F9: variants seen among roughly 807,000 people sequenced by gnomAD.
F9 encodes coagulation factor IX, also known as Christmas factor.
Under a neutral mutation model 34.1 loss-of-function variants are expected in F9, and 2 were observed. The ratio of observed to expected loss-of-function variants is 0.06; its 90% CI spans 0.02 to 0.18. F9 has a LOEUF of 0.18. Ranked by LOEUF, F9 falls within the 10% of genes least tolerant of loss-of-function variation. The pLI is 1.00. For missense variants in F9, 216 were observed against 345.1 expected (o/e 0.63, Z 2.96); for synonymous variants, 137 against 118.8 (o/e 1.15, Z -1.00).
At chrX:139,550,798 T>C (rs917751527) in intron 5 of F9, among the ~76,000 whole-genome samples, 2 of 112,099 alleles carry the variant, frequency 1.8e-5, no homozygotes, top group Non-Finnish European at 3.8e-5. Context: ...CCAAATTTGA[T>C]TCTGGAACAC....
At chrX:139,551,363 T>A in intron 6 of F9, 99 bp downstream of exon 6, 1 of 761,370 alleles carries the variant, frequency 1.3e-6, no homozygotes, top group Non-Finnish European at 2.0e-6. Context: ...CCTATTGGGA[T>A]GTGAGAAGTA....
chrX:139,546,377 T>C (rs1927717849), intron 4 of F9, among the ~76,000 whole-genome samples: 2 of 112,008 alleles, frequency 1.8e-5, no homozygotes, highest in South Asian at 7.3e-4. Context: ...CTGTAATTTC[T>C]AAAGACTTCC....
At chrX:139,555,459 C>A (rs948931777) in intron 6 of F9, among the ~76,000 whole-genome samples, 2 of 113,144 alleles carry the variant, frequency 1.8e-5, no homozygotes, top group African/African-American at 6.4e-5. Flanking sequence ...TCCCAGGAGC[C>A]CCCTATGGTT....
chrX:139,545,385 G>A (rs1487097346), intron 4 of F9, among the ~76,000 whole-genome samples: 1 of 111,433 alleles, frequency 9.0e-6, no homozygotes, highest in Admixed American at 9.6e-5. Context: ...TCCTGTTATT[G>A]GTATTGCATA....
At chrX:139,559,222 A>AT (rs1928039528) in intron 6 of F9, among the ~76,000 whole-genome samples, 1 of 112,277 alleles carries the variant, frequency 8.9e-6, no homozygotes, top group African/African-American at 3.2e-5. Context: ...TTTTTTCTGT[A>AT]TTTTTACAAC....
chrX:139,548,397 G>A lies in F9; in HGVS notation c.426G>A (p.Glu142=), dbSNP rs2148361169. The change falls in exon 5 of 8, where the codon GAG becomes GAA. Residue 142 remains glutamate (E), a synonymous_variant. Transcript: ENST00000218099. ...GTAACATTAAGAATGGCAGATGCGA[G>A]CAGTTTTGTAAAAATAGTGCTGATA... ...VTCNIKNGRC[E]QFCKNSADNK... The A allele has an allele frequency of 8.3e-7, 1 of 1,210,560 alleles. No individual in the cohort carries two copies.
intron 6 of F9, among the ~76,000 whole-genome samples, chrX:139,557,356 A>G (rs1010152977): frequency 2.7e-5 from 3 of 112,125 alleles, no homozygotes; most frequent in Non-Finnish European, 5.6e-5. Flanking sequence ...CTTTAAATGC[A>G]AATATATTTT....
rs1569481576 is a variant in F9, at chrX:139,530,872, A to C, written c.88+20A>C. 1.8e-6 allele frequency: 2 copies of C among 1,116,269 alleles called. No homozygotes were observed. Among genetic ancestry groups the C allele is most frequent in the Non-Finnish European group, 2.5e-6 (2 of 808,440 alleles). The allele number at this position is 1,116,269 out of a possible 1,213,427, so 92.0% of individuals were successfully genotyped here. On this transcript the variant is annotated intron_variant, in intron 1 of 7. Coordinates refer to ENST00000218099, the MANE Select transcript of F9 (RefSeq NM_000133.4). The stretch of plus-strand genomic sequence containing the variant: ...GTACAGGTTTGTTTCCTTTTTTAAA[A>C]TACATTGAGTATGCTTGCCTTTTAG...
chrX:139,558,210 C>T (rs4149733), intron 6 of F9, among the ~76,000 whole-genome samples: 386 of 113,855 alleles, frequency 3.4e-3, no homozygotes, highest in African/African-American at 0.011. Context: ...ACCAAGAATG[C>T]GCCACAGCAC....
chrX:139,550,719 G>A (rs950704224), intron 5 of F9, among the ~76,000 whole-genome samples: 1 of 111,752 alleles, frequency 8.9e-6, no homozygotes, highest in Admixed American at 9.5e-5. Flanking sequence ...ATTCAGGGAT[G>A]GCAATTGGGA....
At chrX:139,539,435 A>C (rs1382432196) in intron 3 of F9, among the ~76,000 whole-genome samples, 2 of 112,435 alleles carry the variant, frequency 1.8e-5, no homozygotes, top group Non-Finnish European at 3.8e-5. Context: ...AGTCTTAAAC[A>C]GGAATCTCTC....
chrX:139,551,206 A>G lies in F9; in HGVS notation c.665A>G (p.Asn222Ser). The change falls in exon 6 of 8, where the codon AAT becomes AGT. Residue 222 changes from asparagine (N) to serine (S), a missense_variant. Physicochemically the swap from Asn to Ser is conservative, Grantham distance 46 (BLOSUM62 1). This residue lies in a region of F9 where 177 missense variants were observed against 311.8 expected (regional missense o/e 0.57). Coordinates refer to ENST00000218099, the MANE Select transcript of F9 (RefSeq NM_000133.4). ...ATCACTCAAAGCACCCAATCATTTA[A>G]TGACTTCACTCGGGTTGTTGGTGGA... ...DNITQSTQSFNDFTRVVGGED... is the reference protein window; with the variant it reads ...DNITQSTQSFSDFTRVVGGED... 8.3e-7 allele frequency: 1 copy of G among 1,211,521 alleles called. No individual in the cohort carries two copies. The highest frequency in any genetic ancestry group is 1.8e-5 in the South Asian group (1 of 56,934).
intron 4 of F9, among the ~76,000 whole-genome samples, chrX:139,546,429 T>C (rs1927719453): frequency 8.9e-6 from 1 of 111,992 alleles, no homozygotes; most frequent in Admixed American, 9.5e-5. Flanking sequence ...AGTCTAGCTC[T>C]GGAAGCCAAG....
chrX:139,561,567 A>G lies in F9; in HGVS notation c.882A>G (p.Arg294=). The change falls in exon 8 of 8, where the codon CGA becomes CGG. Residue 294 remains arginine (R), a synonymous_variant. Transcript: ENST00000218099. The stretch of plus-strand genomic sequence containing the variant: ...AGACAGAACATACAGAGCAAAAGCG[A>G]AATGTGATTCGAATTATTCCTCACC... ...IEETEHTEQK[R]NVIRIIPHHN... 8.3e-7 allele frequency: 1 copy of G among 1,208,392 alleles called. No individual in the cohort carries two copies. Among genetic ancestry groups the G allele is most frequent in the Non-Finnish European group, 1.1e-6 (1 of 893,236 alleles).
At chrX:139,532,151 G>A (rs1042718336) in intron 1 of F9, among the ~76,000 whole-genome samples, 7 of 111,607 alleles carry the variant, frequency 6.3e-5, no homozygotes, top group Non-Finnish European at 1.3e-4. Context: ...AATGACTAGC[G>A]ATAAACCTGA....
At chrX:139,544,161 T>C (rs1421096027) in intron 4 of F9, among the ~76,000 whole-genome samples, 1 of 111,959 alleles carries the variant, frequency 8.9e-6, no homozygotes, top group African/African-American at 3.2e-5. Context: ...TTCATTCCCA[T>C]TGTGCATGCC....
intron 6 of F9, among the ~76,000 whole-genome samples, chrX:139,554,581 G>C (rs1436642505): frequency 1.8e-5 from 2 of 112,165 alleles, no homozygotes; most frequent in Non-Finnish European, 3.8e-5. Context: ...CTCATTTGTG[G>C]ATGGGCCAGC....
At chrX:139,532,189 T>C (rs1927358714) in intron 1 of F9, among the ~76,000 whole-genome samples, 1 of 111,720 alleles carries the variant, frequency 9.0e-6, no homozygotes, top group South Asian at 3.8e-4. Context: ...GATCCCCAGA[T>C]AATACTAAGG....
At position 139,543,127 on chromosome X, in the gene F9, T is replaced by G. The variant is rs767626903; in HGVS notation, c.391+1938T>G. Among the ~76,000 whole-genome samples the G allele has an allele frequency of 2.8e-5, 3 of 108,756 alleles. No homozygotes were observed. The Admixed American group carries it at 3.1e-4, about 11-fold the overall frequency. The allele number at this position is 108,756 out of a possible 115,157, so 94.4% of individuals were successfully genotyped here. On this transcript the variant is annotated intron_variant, in intron 4 of 7. Transcript: ENST00000218099. ...GTTTATGGGGCATCTCGGCCCCAAG[T>G]CTTTTGTCTTATAAGGTCTTGAAAA...
Sources: gnomAD v4.1 joint callset for allele counts (sites outside exome capture counted in the v4.1 genomes callset) on GRCh38, gnomAD v4.1.1 for gene constraint, gnomAD v4.1.1 regional missense constraint, MANE v1.5 for transcripts, NCBI Gene and HGNC (gene_info 2026-07-23, HGNC 2026-07-21) for gene names.